SHROOM3: variants seen among roughly 807,000 people sequenced by gnomAD.
SHROOM3 encodes the protein protein Shroom3.
SHROOM3 carries 47 observed loss-of-function variants against 138.6 expected under a neutral mutation model. The observed-to-expected ratio is 0.34, with a 90% CI of 0.27 to 0.43. SHROOM3 has a LOEUF of 0.43. Ranked by LOEUF, SHROOM3 falls within the 20% of genes least tolerant of loss-of-function variation. The probability of loss-of-function intolerance (pLI) is 1.00; values close to 1 mark genes in which losing one functional copy is unlikely to be tolerated. For synonymous variants in SHROOM3, 1,062 were observed against 1,063.3 expected, an observed-to-expected ratio of 1.00 and a Z score of 0.02; for missense variants, 2,491 against 2,596.5, an observed-to-expected ratio of 0.96 and a Z score of 0.88.
intron 2 of SHROOM3, among the ~76,000 whole-genome samples, chr4:76,571,803 T>G (rs1449682744): frequency 1.3e-5 from 2 of 152,232 alleles, no homozygotes; most frequent in Non-Finnish European, 2.9e-5. Context: ...CTCTTCCAAA[T>G]AGTGGAAGCC....
rs911579382 is a variant in SHROOM3, at chr4:76,468,755, C to T, written c.168+32535C>T. Among the ~76,000 whole-genome samples, 11 of 152,092 alleles carry T rather than the reference C, an allele frequency of 7.2e-5. No homozygotes were observed. In the East Asian group the frequency reaches 1.5e-3, roughly 21 times the overall value. ...ATATCAAAAGCATTTGATGGCCTGG[C>T]GCGGTAGCTCACACCTGTAATTCCA... On this transcript the variant is annotated intron_variant, in intron 1 of 10. Transcript: ENST00000296043.
chr4:76,465,051 C>T (rs1023124205), intron 1 of SHROOM3, among the ~76,000 whole-genome samples: 15 of 152,182 alleles, frequency 9.9e-5, no homozygotes, highest in Admixed American at 9.2e-4. Context: ...TCATTCACAA[C>T]CATTATATAG....
intron 1 of SHROOM3, among the ~76,000 whole-genome samples, chr4:76,442,339 T>A (rs552296402): frequency 6.6e-6 from 1 of 152,092 alleles, no homozygotes; most frequent in South Asian, 2.1e-4. Context: ...TATGTGTGTA[T>A]CTGTGTGTAT....
chr4:76,455,802 G>C (rs1457052343), intron 1 of SHROOM3, among the ~76,000 whole-genome samples: 1 of 152,000 alleles, frequency 6.6e-6, no homozygotes, highest in Admixed American at 6.6e-5. Context: ...AATAAAAATT[G>C]GTTGAGTCTT....
At chr4:76,685,332 A>G (rs1037828551) in intron 2 of SHROOM3, among the ~76,000 whole-genome samples, 1 of 152,160 alleles carries the variant, frequency 6.6e-6, no homozygotes, top group East Asian at 1.9e-4. Flanking sequence ...TGGGCCACAC[A>G]TAAAATACAC....
intron 2 of SHROOM3, among the ~76,000 whole-genome samples, chr4:76,610,876 G>A (rs551752606): frequency 6.6e-6 from 1 of 152,226 alleles, no homozygotes; most frequent in South Asian, 2.1e-4. Context: ...CCCAGCTGGG[G>A]GGTTAAGATT....
At chr4:76,488,375 A>C (rs1425548275) in intron 1 of SHROOM3, among the ~76,000 whole-genome samples, 2 of 152,196 alleles carry the variant, frequency 1.3e-5, no homozygotes, top group African/African-American at 4.8e-5. Flanking sequence ...TAAACTGTAC[A>C]TGCATTAACA....
Position 76,767,183 on chromosome 4 carries a change from G to A in SHROOM3, c.5350-3443G>A, listed in dbSNP as rs113093199. ...GTTATTTTGACCCTTCCAGTCCACT[G>A]AACCATGCTCACCTCAGGGCCACCC... On this transcript the variant is annotated intron_variant, in intron 9 of 10. Coordinates refer to ENST00000296043, the MANE Select transcript of SHROOM3 (RefSeq NM_020859.4). 4.8e-3 allele frequency among the ~76,000 whole-genome samples: 738 copies of A among 152,268 alleles called. 2 individuals are homozygous for A. The highest frequency in any genetic ancestry group is 0.017 in the African/African-American group (711 of 41,556).
chr4:76,449,391 G>T (rs1309440674), intron 1 of SHROOM3, among the ~76,000 whole-genome samples: 1 of 152,122 alleles, frequency 6.6e-6, no homozygotes, highest in Non-Finnish European at 1.5e-5. Context: ...ATGTGGTAAT[G>T]GTGTGAAGTT....
At chr4:76,686,594 G>GA (rs1430694956) in intron 2 of SHROOM3, among the ~76,000 whole-genome samples, 1 of 151,916 alleles carries the variant, frequency 6.6e-6, no homozygotes, top group Non-Finnish European at 1.5e-5. Flanking sequence ...CTTTTTGTCT[G>GA]AAAAAAGATA....
chr4:76,528,605 G>GCACA (rs1732756648), intron 1 of SHROOM3, among the ~76,000 whole-genome samples: 1 of 139,950 alleles, frequency 7.1e-6, no homozygotes, highest in South Asian at 2.3e-4. Flanking sequence ...GAGTGCAATG[G>GCACA]CACAATCCTG....
intron 1 of SHROOM3, among the ~76,000 whole-genome samples, chr4:76,532,960 G>A (rs1553920946): frequency 1.3e-5 from 2 of 151,862 alleles, no homozygotes; most frequent in African/African-American, 4.8e-5. Context: ...TGTGACAGCT[G>A]CTGACTAATG....
chr4:76,724,295 T>G (rs1359556127), intron 3 of SHROOM3, among the ~76,000 whole-genome samples: 1 of 152,224 alleles, frequency 6.6e-6, no homozygotes, highest in Non-Finnish European at 1.5e-5. Flanking sequence ...GTGATGTACT[T>G]TAGGAAAATA....
intron 5 of SHROOM3, among the ~76,000 whole-genome samples, chr4:76,742,692 A>G (rs1227167007): frequency 6.6e-6 from 1 of 152,344 alleles, no homozygotes; most frequent in East Asian, 1.9e-4. Flanking sequence ...TCTGACTCCT[A>G]GGAGCCTGTT....
Position 76,570,010 on chromosome 4 carries a change from G to C in SHROOM3, c.323+14247G>C, listed in dbSNP as rs370742736. The stretch of plus-strand genomic sequence containing the variant: ...CCGTGGTTATTCTTCAAAGTCTCTA[G>C]CATCGTGCCTTTCCTTGGCCTTGAT... On this transcript the variant is annotated intron_variant, in intron 2 of 10. Transcript: ENST00000296043. Among the ~76,000 whole-genome samples the C allele has an allele frequency of 5.9e-5, 9 of 152,254 alleles. No homozygotes were observed. In the South Asian group the frequency reaches 1.9e-3, roughly 32 times the overall value.
chr4:76,514,671 C>T (rs181733673), intron 1 of SHROOM3, among the ~76,000 whole-genome samples: 28 of 151,994 alleles, frequency 1.8e-4, no homozygotes, highest in East Asian at 1.4e-3. Context: ...TTATGATATG[C>T]GAATTACATC....
chr4:76,486,174 G>A (rs533965688), intron 1 of SHROOM3, among the ~76,000 whole-genome samples: 3 of 152,280 alleles, frequency 2.0e-5, no homozygotes, highest in African/African-American at 7.2e-5. Flanking sequence ...GGATCAATAA[G>A]CACAGATATT....
At chr4:76,469,201 A>T (rs1362343089) in intron 1 of SHROOM3, among the ~76,000 whole-genome samples, 2 of 147,420 alleles carry the variant, frequency 1.4e-5, no homozygotes, top group Admixed American at 1.3e-4. Flanking sequence ...ACTCCATCTC[A>T]AAAAAAAAAG....
chr4:76,618,694 G>T (rs549157621), intron 2 of SHROOM3, among the ~76,000 whole-genome samples: 1 of 152,206 alleles, frequency 6.6e-6, no homozygotes, highest in Admixed American at 6.5e-5. Context: ...CTAAGAACAT[G>T]GATATTCTCT....
Sources: gnomAD v4.1 joint callset for allele counts (sites outside exome capture counted in the v4.1 genomes callset) on GRCh38, gnomAD v4.1.1 for gene constraint, MANE v1.5 for transcripts, NCBI Gene and HGNC (gene_info 2026-07-23, HGNC 2026-07-21) for gene names.